The following SBF2 variants were observed in gnomAD, a reference collection of about 807,000 sequenced individuals.
SBF2 encodes the protein myotubularin-related protein 13.
SBF2 carries 112 observed loss-of-function variants against 225.2 expected under a neutral mutation model. The observed-to-expected ratio is 0.50, with a 90% CI of 0.43 to 0.58. SBF2 has a LOEUF of 0.58. SBF2 is among the 20% of genes least tolerant of loss of function. The probability of loss-of-function intolerance (pLI) is 0.00; values close to 1 mark genes in which losing one functional copy is unlikely to be tolerated. For missense variants in SBF2, 1,996 were observed against 2,206.2 expected (o/e 0.90, Z 1.91); for synonymous variants, 763 against 773.3 (o/e 0.99, Z 0.22).
At chr11:10,015,249 G>A (rs1325228822) in intron 6 of SBF2, among the ~76,000 whole-genome samples, 1 of 152,096 alleles carries the variant, frequency 6.6e-6, no homozygotes, top group Non-Finnish European at 1.5e-5. Context: ...TGCATACATA[G>A]GGACTCCGGA....
rs1555006975 is a variant in SBF2 at position 10,063,858 on chromosome 11, C to CAGAGAG, written c.142-20883_142-20878dup. Reference sequence around the variant, plus strand: ...ACACACACACACACACACACACACACAGAGAGAGAGAGAGAGAGAGAGAAA... The same window carrying CAGAGAG: ...ACACACACACACACACACACACACACAGAGAGAGAGAGAGAGAGAGAGAGAGAGAAA... On this transcript the variant is annotated intron_variant, in intron 2 of 39. Coordinates refer to ENST00000256190, the MANE Select transcript of SBF2 (RefSeq NM_030962.4). Among the ~76,000 whole-genome samples the CAGAGAG allele has an allele frequency of 1.3e-3, 181 of 136,212 alleles. 1 individual carries two copies. Among genetic ancestry groups the CAGAGAG allele is most frequent in the African/African-American group, 4.1e-3 (151 of 37,042 alleles). The allele number at this position is 136,212 out of a possible 152,430, so 89.4% of individuals were successfully genotyped here. A position where few individuals can be genotyped will look rare whatever the true frequency, so the allele number is the denominator to read the frequency against.
rs1411674863 is a variant in SBF2 at position 10,131,425 on chromosome 11, G to C, written c.141+62477C>G. 4.6e-5 allele frequency among the ~76,000 whole-genome samples: 7 copies of C among 151,708 alleles called. No individual in the cohort carries two copies. The East Asian group carries it at 1.4e-3, about 30-fold the overall frequency. On this transcript the variant is annotated intron_variant, in intron 2 of 39. Transcript: ENST00000256190. ...GTTGTTTACTGTTGTTTTTAAAAAA[G>C]ATTGTGATTTGAGAGTTCTTTATAT...
chr11:9,822,635 C>A (rs1854833788), intron 28 of SBF2, among the ~76,000 whole-genome samples: 1 of 152,186 alleles, frequency 6.6e-6, no homozygotes, highest in African/African-American at 2.4e-5. Flanking sequence ...GCTAAGGGGA[C>A]TGCTTCAGGG....
intron 2 of SBF2, among the ~76,000 whole-genome samples, chr11:10,145,731 TCTATA>T (rs1261597694): frequency 9.2e-5 from 14 of 152,208 alleles, no homozygotes; most frequent in Admixed American, 7.9e-4. Context: ...GGTATAGTGC[TCTATA>T]CTAATGTCAC....
intron 2 of SBF2, among the ~76,000 whole-genome samples, chr11:10,148,077 T>C (rs879845553): frequency 1.3e-5 from 2 of 152,178 alleles, no homozygotes; most frequent in African/African-American, 4.8e-5. Context: ...GTTATCAAAA[T>C]AGTATAAATG....
intron 32 of SBF2, among the ~76,000 whole-genome samples, chr11:9,800,753 T>G (rs1853445600): frequency 6.6e-6 from 1 of 152,162 alleles, no homozygotes; most frequent in Non-Finnish European, 1.5e-5. Context: ...CTTGCTGTGT[T>G]GCCCAGGCTG....
chr11:9,793,865 G>A (rs1852918690), intron 33 of SBF2, among the ~76,000 whole-genome samples: 1 of 152,192 alleles, frequency 6.6e-6, no homozygotes, highest in South Asian at 2.1e-4. Context: ...CTCTAATGAA[G>A]AGAACCATCA....
intron 6 of SBF2, among the ~76,000 whole-genome samples, chr11:10,022,207 C>A (rs147413505): frequency 2.0e-5 from 3 of 152,138 alleles, no homozygotes; most frequent in East Asian, 3.9e-4. Flanking sequence ...AATAATAAGA[C>A]ATGTAAGTTT....
At chr11:10,181,428 A>T (rs900625128) in intron 2 of SBF2, among the ~76,000 whole-genome samples, 1 of 152,028 alleles carries the variant, frequency 6.6e-6, no homozygotes, top group African/African-American at 2.4e-5. Flanking sequence ...ACTTTATACA[A>T]ATTTTCCCAA....
chr11:9,964,446 G>C (rs1866772478), intron 14 of SBF2, among the ~76,000 whole-genome samples: 5 of 152,142 alleles, frequency 3.3e-5, no homozygotes, highest in Admixed American at 3.3e-4. Context: ...ACATTGCAAA[G>C]TAAAATTATA....
intron 1 of SBF2, among the ~76,000 whole-genome samples, chr11:10,209,720 T>C (rs1957866895): frequency 2.0e-5 from 3 of 152,154 alleles, no homozygotes; most frequent in South Asian, 2.1e-4. Context: ...TCTCAGAGAA[T>C]GGCACGTTAT....
intron 32 of SBF2, among the ~76,000 whole-genome samples, chr11:9,797,193 G>T (rs1377805715): frequency 6.6e-6 from 1 of 152,226 alleles, no homozygotes; most frequent in Non-Finnish European, 1.5e-5. Flanking sequence ...CAGCCAAAGT[G>T]AGCAGGCATG....
chr11:9,797,477 G>A (rs989547190), intron 32 of SBF2, among the ~76,000 whole-genome samples: 1 of 152,118 alleles, frequency 6.6e-6, no homozygotes, highest in African/African-American at 2.4e-5. Context: ...CTTGATGTGA[G>A]CCAATGCCTT....
intron 32 of SBF2, 132 bp from the exon 33 acceptor site, chr11:9,796,089 C>CTTATGGTAGGGATT: frequency 3.3e-6 from 3 of 899,544 alleles, no homozygotes; most frequent in Non-Finnish European, 5.3e-6. Context: ...TGAATCCCTA[C>CTTATGGTAGGGATT]CATAAGTAGA....
At chr11:9,931,633 C>G (rs1352415231) in intron 16 of SBF2, among the ~76,000 whole-genome samples, 1 of 152,226 alleles carries the variant, frequency 6.6e-6, no homozygotes, top group African/African-American at 2.4e-5. Context: ...AGTTCACCAA[C>G]ATCAAAGACA....
intron 28 of SBF2, among the ~76,000 whole-genome samples, chr11:9,818,608 G>A (rs1039015652): frequency 6.6e-6 from 1 of 152,150 alleles, no homozygotes; most frequent in African/African-American, 2.4e-5. Context: ...CATGTTTCTA[G>A]GTGACCAGAA....
At chr11:9,876,168 C>T (rs1465827448) in intron 17 of SBF2, among the ~76,000 whole-genome samples, 1 of 152,100 alleles carries the variant, frequency 6.6e-6, no homozygotes, top group Admixed American at 6.6e-5. Context: ...GAGTTGAATG[C>T]TCTGTGTACT....
chr11:10,133,317 C>T (rs1001033714), intron 2 of SBF2, among the ~76,000 whole-genome samples: 2 of 149,534 alleles, frequency 1.3e-5, no homozygotes, highest in Non-Finnish European at 3.0e-5. Flanking sequence ...TTCCTCAGCC[C>T]TTGGGTGGTC....
At chr11:9,943,618 A>G (rs189053651) in intron 16 of SBF2, among the ~76,000 whole-genome samples, 12 of 152,266 alleles carry the variant, frequency 7.9e-5, no homozygotes, top group Admixed American at 6.5e-4. Flanking sequence ...GCCAATGAAC[A>G]TGAAAAATTG....
Sources: allele counts gnomAD v4.1 joint callset (sites outside exome capture counted in the v4.1 genomes callset), GRCh38; gene constraint gnomAD v4.1.1; transcripts MANE v1.5; gene names NCBI Gene and HGNC (gene_info 2026-07-23, HGNC 2026-07-21).